Variants in GOSR1 observed in about 807,000 individuals in gnomAD.
GOSR1 encodes the protein 28 kDa Golgi SNARE protein.
Under a neutral mutation model 35.5 loss-of-function variants are expected in GOSR1, and 21 were observed. That is an observed-to-expected ratio of 0.59 (90% CI 0.42 to 0.85). The LOEUF (loss-of-function observed/expected upper bound fraction) is 0.85. Among genes scored for constraint, GOSR1 ranks in the 40% least tolerant of loss-of-function variants. The probability of loss-of-function intolerance (pLI) is 0.00; values close to 1 mark genes in which losing one functional copy is unlikely to be tolerated. For missense variants in GOSR1, 285 were observed against 309.6 expected (o/e 0.92, Z 0.60); for synonymous variants, 94 against 106.6 (o/e 0.88, Z 0.73).
At chr17:30,513,177 G>A (rs1967673051) in intron 7 of GOSR1, among the ~76,000 whole-genome samples, 1 of 152,086 alleles carries the variant, frequency 6.6e-6, no homozygotes, top group Non-Finnish European at 1.5e-5. Context: ...GTGAGCAACT[G>A]AATATAGACT....
At chr17:30,500,071 A>G (rs1036494742) in intron 6 of GOSR1, among the ~76,000 whole-genome samples, 3 of 152,166 alleles carry the variant, frequency 2.0e-5, no homozygotes, top group African/African-American at 7.2e-5. Flanking sequence ...TGTACTCTGG[A>G]TGTAAGTCCT....
Position 30,507,007 on chromosome 17 carries a change from AG to A in GOSR1, c.510-3872del, listed in dbSNP as rs1349006774. On this transcript the variant is annotated intron_variant, in intron 6 of 8. Coordinates refer to ENST00000451249, the MANE Select transcript of GOSR1 (RefSeq NM_001007025.2). ...TGGAGACCTACTGCTCAGAAAAAAA[AG>A]AATTATTTCAAAATATTACTACTCT... Among the ~76,000 whole-genome samples, 30 of 152,236 alleles carry A rather than the reference AG, an allele frequency of 2.0e-4. 1 individual carries two copies. Among genetic ancestry groups the A allele is most frequent in the Non-Finnish European group, 1.5e-5 (1 of 68,034 alleles).
intron 2 of GOSR1, among the ~76,000 whole-genome samples, chr17:30,481,973 T>C (rs1914382502): frequency 6.6e-6 from 1 of 151,646 alleles, no homozygotes; most frequent in African/African-American, 2.4e-5. Flanking sequence ...CTAAAAAAAA[T>C]AGAAATAAAA....
intron 4 of GOSR1, among the ~76,000 whole-genome samples, chr17:30,488,540 T>C (rs1204686295): frequency 1.3e-5 from 2 of 151,390 alleles, no homozygotes; most frequent in Non-Finnish European, 2.9e-5. Context: ...AGTATTTTTT[T>C]TTTTTTTTTT....
intron 4 of GOSR1, among the ~76,000 whole-genome samples, chr17:30,488,108 CT>C (rs11360503): frequency 0.87 from 119,025 of 136,476 alleles, 51,950 homozygotes; most frequent in African/African-American, 0.93. Flanking sequence ...TCATTTACTC[CT>C]TTTTTTTTTT....
At chr17:30,482,166 G>A (rs1159784063) in intron 2 of GOSR1, among the ~76,000 whole-genome samples, 1 of 151,666 alleles carries the variant, frequency 6.6e-6, no homozygotes, top group African/African-American at 2.4e-5. Flanking sequence ...ATATTCCTGA[G>A]CAATTCATAG....
intron 6 of GOSR1, among the ~76,000 whole-genome samples, chr17:30,504,125 C>G (rs1301725338): frequency 6.6e-6 from 1 of 151,326 alleles, no homozygotes; most frequent in Non-Finnish European, 1.5e-5. Context: ...CTCCCGGGTT[C>G]AAGGAATTCT....
At chr17:30,492,269 A>G (rs1263367341) in intron 5 of GOSR1, among the ~76,000 whole-genome samples, 1 of 152,226 alleles carries the variant, frequency 6.6e-6, no homozygotes, top group Non-Finnish European at 1.5e-5. Flanking sequence ...TTGGTGGACC[A>G]CATATATTAT....
At chr17:30,512,302 T>C (rs1425661854) in intron 7 of GOSR1, among the ~76,000 whole-genome samples, 1 of 152,234 alleles carries the variant, frequency 6.6e-6, no homozygotes, top group African/African-American at 2.4e-5. Flanking sequence ...CTGTAAATGG[T>C]AGCTATATTA....
intron 2 of GOSR1, among the ~76,000 whole-genome samples, chr17:30,483,658 T>C (rs1251875245): frequency 2.6e-5 from 4 of 152,260 alleles, no homozygotes; most frequent in African/African-American, 9.6e-5. Flanking sequence ...TGTATTGAGC[T>C]GCTCATCAGA....
At chr17:30,515,895 T>C (rs1480405725) in intron 7 of GOSR1, among the ~76,000 whole-genome samples, 1 of 152,226 alleles carries the variant, frequency 6.6e-6, no homozygotes, top group Non-Finnish European at 1.5e-5. Flanking sequence ...ATTGTCAGCA[T>C]TAAAACACAT....
chr17:30,513,292 C>T (rs1222321318), intron 7 of GOSR1, among the ~76,000 whole-genome samples: 1 of 152,104 alleles, frequency 6.6e-6, no homozygotes, highest in African/African-American at 2.4e-5. Context: ...AAAAAGGTGA[C>T]TGAGTTCAGT....
chr17:30,510,801 A>G (rs1014387872), intron 6 of GOSR1, 79 bp from the exon 7 acceptor site: 15 of 775,530 alleles, frequency 1.9e-5, no homozygotes, highest in Non-Finnish European at 3.1e-5. Context: ...TAAAAAGTTT[A>G]TAGATGTAGA....
At chr17:30,491,955 T>C (rs1004136481) in intron 5 of GOSR1, among the ~76,000 whole-genome samples, 10 of 152,096 alleles carry the variant, frequency 6.6e-5, no homozygotes, top group Admixed American at 5.9e-4. Context: ...TCCTTGGTGG[T>C]GGTTTCTCCT....
At chr17:30,481,528 GT>G (rs150520463) in intron 2 of GOSR1, among the ~76,000 whole-genome samples, 1,866 of 152,294 alleles carry the variant, frequency 0.012, 38 homozygotes, top group African/African-American at 0.042. Flanking sequence ...AAAAATATAA[GT>G]GTCTAATTCA....
At chr17:30,478,691 G>T (rs955102443) in intron 1 of GOSR1, 2 of 151,890 alleles carry the variant, frequency 1.3e-5, no homozygotes, top group African/African-American at 4.8e-5. Flanking sequence ...TTAGTAGCTG[G>T]GACTACAGAT....
intron 7 of GOSR1, among the ~76,000 whole-genome samples, chr17:30,516,401 C>CGGA (rs1417860632): frequency 6.9e-6 from 1 of 145,774 alleles, no homozygotes; most frequent in African/African-American, 2.5e-5. Flanking sequence ...ACCTGGGAGG[C>CGGA]GGAGGTTGCA....
intron 6 of GOSR1, among the ~76,000 whole-genome samples, chr17:30,496,630 C>G (rs1967015626): frequency 6.6e-6 from 1 of 152,204 alleles, no homozygotes; most frequent in Non-Finnish European, 1.5e-5. Flanking sequence ...CATTTCAGCT[C>G]CATTATTTGT....
intron 6 of GOSR1, among the ~76,000 whole-genome samples, chr17:30,510,030 G>GA (rs1967556364): frequency 6.6e-6 from 1 of 152,072 alleles, no homozygotes; most frequent in African/African-American, 2.4e-5. Context: ...TATCTCTGTG[G>GA]AAAAAATAGA....
Sources: gnomAD v4.1 joint callset for allele counts (sites outside exome capture counted in the v4.1 genomes callset) on GRCh38, gnomAD v4.1.1 for gene constraint, MANE v1.5 for transcripts, NCBI Gene and HGNC (gene_info 2026-07-23, HGNC 2026-07-21) for gene names.